RHOBTB1: variants seen among roughly 807,000 people sequenced by gnomAD.
RHOBTB1 encodes the protein rho-related BTB domain-containing protein 1.
A neutral mutation model predicts 71.6 loss-of-function variants in RHOBTB1; 40 were observed. That is an observed-to-expected ratio of 0.56 (90% CI 0.43 to 0.73). The LOEUF is 0.73. Ranked by LOEUF, RHOBTB1 falls within the 30% of genes least tolerant of loss-of-function variation. The probability of loss-of-function intolerance (pLI) is 0.00; values close to 1 mark genes in which losing one functional copy is unlikely to be tolerated. For synonymous variants in RHOBTB1, 319 were observed against 334.9 expected (o/e 0.95, Z 0.52); for missense variants, 797 against 894.0 (o/e 0.89, Z 1.38).
chr10:60,875,628 T>C (rs1315349336), intron 8 of RHOBTB1, among the ~76,000 whole-genome samples: 1 of 152,188 alleles, frequency 6.6e-6, no homozygotes, highest in East Asian at 1.9e-4. Flanking sequence ...GACAGAGGAA[T>C]GAGTCTATTT....
intron 4 of RHOBTB1, among the ~76,000 whole-genome samples, chr10:60,904,119 A>ATT (rs558499145): frequency 2.3e-4 from 35 of 151,740 alleles, no homozygotes; most frequent in African/African-American, 8.2e-4. Flanking sequence ...AATTTTTTGT[A>ATT]TTTTTTTAGT....
intron 2 of RHOBTB1, among the ~76,000 whole-genome samples, chr10:60,973,889 G>T (rs1158488701): frequency 1.3e-5 from 2 of 151,980 alleles, no homozygotes; most frequent in African/African-American, 4.8e-5. Context: ...TATCTTTGAC[G>T]ATGATCTTTT....
At chr10:60,924,068 A>T (rs1034768571) in intron 2 of RHOBTB1, among the ~76,000 whole-genome samples, 3 of 152,206 alleles carry the variant, frequency 2.0e-5, no homozygotes, top group Non-Finnish European at 4.4e-5. Context: ...CAAGGAGGAG[A>T]AGAAGGAGGA....
intron 2 of RHOBTB1, among the ~76,000 whole-genome samples, chr10:60,961,348 T>C (rs757989780): frequency 4.6e-5 from 7 of 152,162 alleles, no homozygotes; most frequent in Non-Finnish European, 8.8e-5. Flanking sequence ...ATTCTGGATG[T>C]ATTATGTGAC....
intron 2 of RHOBTB1, among the ~76,000 whole-genome samples, chr10:60,950,201 A>C (rs536514264): frequency 2.6e-5 from 4 of 152,158 alleles, no homozygotes; most frequent in Non-Finnish European, 4.4e-5. Context: ...GTATGTCACA[A>C]CTCTAGAAAA....
In RHOBTB1 at chr10:60,875,881, C is replaced by T. The variant is rs540419356; in HGVS notation, c.1727-839G>A. Among the ~76,000 whole-genome samples the T allele has an allele frequency of 1.3e-4, 20 of 152,320 alleles. No individual in the cohort carries two copies. In the South Asian group the frequency reaches 1.7e-3, roughly 13 times the overall value. On this transcript the variant is annotated intron_variant, in intron 8 of 10. Transcript: ENST00000337910. The stretch of plus-strand genomic sequence containing the variant: ...GGCTGTCACCTGCCTCTGAGACTGA[C>T]GTGTGAGGGTACAGCCTTGGCTCAG...
intron 7 of RHOBTB1, among the ~76,000 whole-genome samples, chr10:60,878,937 T>C (rs1370344671): frequency 6.6e-6 from 1 of 152,244 alleles, no homozygotes; most frequent in Non-Finnish European, 1.5e-5. Flanking sequence ...TGGTACCACT[T>C]GGATTTTTGG....
chr10:60,886,257 C>G (rs764478450), intron 6 of RHOBTB1, 27 bp from the exon 7 acceptor site: 36 of 1,573,652 alleles, frequency 2.3e-5, no homozygotes, highest in Non-Finnish European at 3.0e-5. Context: ...GAAACACAAC[C>G]ATGAGCCAAC....
chr10:60,989,227 C>G (rs2086774686), intron 1 of RHOBTB1, among the ~76,000 whole-genome samples: 1 of 152,090 alleles, frequency 6.6e-6, no homozygotes. Flanking sequence ...TGTTATTTTT[C>G]TTTCTTAAAA....
intron 2 of RHOBTB1, among the ~76,000 whole-genome samples, chr10:60,976,246 G>A (rs544000060): frequency 2.0e-5 from 3 of 151,780 alleles, no homozygotes; most frequent in Middle Eastern, 3.4e-3. Flanking sequence ...TTTTAAAGGA[G>A]AAAATTTATG....
intron 4 of RHOBTB1, among the ~76,000 whole-genome samples, chr10:60,896,713 G>A (rs945293611): frequency 6.6e-6 from 1 of 152,174 alleles, no homozygotes; most frequent in Non-Finnish European, 1.5e-5. Context: ...AGGGAAAAAT[G>A]ACTTCTTCTT....
chr10:60,976,078 G>C (rs2086304836), intron 2 of RHOBTB1, among the ~76,000 whole-genome samples: 1 of 151,952 alleles, frequency 6.6e-6, no homozygotes. Flanking sequence ...CAATTTAGAA[G>C]CTGCAATATG....
At chr10:60,945,051 A>T (rs2134308512), upstream of RHOBTB1, among the ~76,000 whole-genome samples, 1 of 152,296 alleles carries the variant, frequency 6.6e-6, no homozygotes, top group Admixed American at 6.5e-5. Flanking sequence ...GGACAGAACC[A>T]GGGGTAGTTT....
At chr10:60,926,815 G>A (rs1180057286) in intron 2 of RHOBTB1, among the ~76,000 whole-genome samples, 1 of 152,126 alleles carries the variant, frequency 6.6e-6, no homozygotes, top group Non-Finnish European at 1.5e-5. Context: ...TCTAAGATCT[G>A]GAAGAAGACT....
At chr10:60,926,911 A>G (rs1157318869) in intron 2 of RHOBTB1, among the ~76,000 whole-genome samples, 2 of 152,228 alleles carry the variant, frequency 1.3e-5, no homozygotes, top group African/African-American at 2.4e-5. Flanking sequence ...AATAAAGGAC[A>G]TTCAAATTGT....
rs565242359 is a variant in RHOBTB1 at position 60,924,409 on chromosome 10, CAAAG to C, written c.-10-12861_-10-12858del. On this transcript the variant is annotated intron_variant, in intron 2 of 10. Coordinates refer to ENST00000337910, the MANE Select transcript of RHOBTB1 (RefSeq NM_014836.5). ...TCAAGACAAAAACTGTAAAAAGAGA[CAAAG>C]AAGGTCATTATATAATGACAAAGGG... is the stretch of plus-strand genomic sequence containing the variant. 4.3e-3 allele frequency among the ~76,000 whole-genome samples: 658 copies of C among 151,802 alleles called. 1 individual carries two copies. Among genetic ancestry groups the C allele is most frequent in the Non-Finnish European group, 7.3e-3 (499 of 67,908 alleles).
intron 2 of RHOBTB1, among the ~76,000 whole-genome samples, chr10:60,968,044 GA>G (rs966240447): frequency 1.3e-5 from 2 of 152,040 alleles, no homozygotes; most frequent in Non-Finnish European, 2.9e-5. Context: ...GACTGAATTG[GA>G]AACCTCCCCA....
intron 4 of RHOBTB1, among the ~76,000 whole-genome samples, chr10:60,894,896 C>T (rs980367560): frequency 6.6e-6 from 1 of 152,136 alleles, no homozygotes. Flanking sequence ...AGCTAAATGT[C>T]AATTCTGTTC....
chr10:60,895,426 C>T (rs550608817), intron 4 of RHOBTB1, among the ~76,000 whole-genome samples: 17 of 152,080 alleles, frequency 1.1e-4, no homozygotes, highest in East Asian at 1.9e-4. Context: ...TTTTTTGAGA[C>T]GGAGTTTTGC....
Sources: allele counts gnomAD v4.1 joint callset (sites outside exome capture counted in the v4.1 genomes callset), GRCh38; gene constraint gnomAD v4.1.1; transcripts MANE v1.5; gene names NCBI Gene and HGNC (gene_info 2026-07-23, HGNC 2026-07-21).